Variants in KIAA1671 observed in about 807,000 individuals in gnomAD.
KIAA1671 encodes the protein uncharacterized protein KIAA1671.
Under a neutral mutation model 131.2 loss-of-function variants are expected in KIAA1671, and 52 were observed. The observed-to-expected ratio is 0.40, with a 90% CI of 0.32 to 0.50. The LOEUF is 0.50. Ranked by LOEUF, KIAA1671 falls within the 20% of genes least tolerant of loss-of-function variation. The pLI, the probability that KIAA1671 is intolerant of heterozygous loss-of-function variation, is 0.73. For missense variants in KIAA1671, 2,360 were observed against 2,364.2 expected (o/e 1.00, Z 0.04); for synonymous variants, 1,003 against 961.6 (o/e 1.04, Z -0.80).
chr22:25,029,816 G>A (rs2145789507), intron 3 of KIAA1671, among the ~76,000 whole-genome samples: 1 of 152,350 alleles, frequency 6.6e-6, no homozygotes, highest in South Asian at 2.1e-4. Context: ...TGGGCGGTAT[G>A]TGCCCATTTC....
chr22:25,129,476 C>T (rs941177831), intron 6 of KIAA1671, among the ~76,000 whole-genome samples: 5 of 150,594 alleles, frequency 3.3e-5, no homozygotes, highest in Non-Finnish European at 7.4e-5. Flanking sequence ...CATTGCACAC[C>T]AGCCTGGGCA....
intron 1 of KIAA1671, among the ~76,000 whole-genome samples, chr22:24,972,459 C>T (rs2142841): frequency 0.21 from 31,755 of 151,960 alleles, 4,117 homozygotes; most frequent in African/African-American, 0.36. Context: ...CATGCATGCA[C>T]GCATGCATGC....
intron 6 of KIAA1671, among the ~76,000 whole-genome samples, chr22:25,144,873 T>C (rs987642952): frequency 1.3e-5 from 2 of 151,560 alleles, no homozygotes; most frequent in South Asian, 4.2e-4. Flanking sequence ...CCATACCTTT[T>C]CAGGGCTCTG....
At chr22:25,105,493 A>G (rs1930950932) in intron 6 of KIAA1671, among the ~76,000 whole-genome samples, 1 of 152,228 alleles carries the variant, frequency 6.6e-6, no homozygotes. Context: ...TTTGATGCCC[A>G]AAACATCCCA....
intron 6 of KIAA1671, among the ~76,000 whole-genome samples, chr22:25,099,319 A>C (rs950360798): frequency 4.6e-5 from 7 of 152,102 alleles, no homozygotes; most frequent in African/African-American, 1.7e-4. Context: ...CCAGGATCAC[A>C]TAGCAAGGAG....
chr22:25,177,552 A>G (rs992920354), intron 9 of KIAA1671, 30 bp downstream of exon 9: 1 of 1,528,912 alleles, frequency 6.5e-7, no homozygotes, highest in African/African-American at 1.4e-5. Context: ...CTCCTCAGAT[A>G]GCACATTGAA....
At chr22:24,976,276 G>A (rs1922908166) in intron 1 of KIAA1671, among the ~76,000 whole-genome samples, 1 of 152,254 alleles carries the variant, frequency 6.6e-6, no homozygotes, top group African/African-American at 2.4e-5. Flanking sequence ...CTGTCTGGAT[G>A]TTCCTGCCTT....
chr22:25,023,341 T>C (rs1925774010), intron 1 of KIAA1671: 2 of 152,234 alleles, frequency 1.3e-5, no homozygotes, highest in Non-Finnish European at 2.9e-5. Flanking sequence ...GACTCCAGCC[T>C]GGGCTACAAA....
chr22:24,966,949 C>G (rs1189971017), intron 1 of KIAA1671, among the ~76,000 whole-genome samples: 1 of 152,188 alleles, frequency 6.6e-6, no homozygotes, highest in East Asian at 1.9e-4. Flanking sequence ...GAGCAAGAGC[C>G]TGTCACAAAT....
intron 7 of KIAA1671, among the ~76,000 whole-genome samples, chr22:25,172,615 G>T (rs1311626906): frequency 2.6e-5 from 4 of 152,172 alleles, no homozygotes. Flanking sequence ...CAAGGCGAGG[G>T]TTTCCCATGA....
intron 6 of KIAA1671, among the ~76,000 whole-genome samples, chr22:25,093,731 ACACACACT>A (rs1215277853): frequency 1.0e-3 from 44 of 43,558 alleles, no homozygotes; most frequent in East Asian, 9.9e-3. Flanking sequence ...ACACACACAC[ACACACACT>A]CTCTCTCTCT....
At chr22:25,006,417 T>C (rs1381649873) in intron 1 of KIAA1671, among the ~76,000 whole-genome samples, 1 of 152,208 alleles carries the variant, frequency 6.6e-6, no homozygotes, top group Non-Finnish European at 1.5e-5. Flanking sequence ...CAGGATTTGA[T>C]GCTGTGAAAT....
intron 6 of KIAA1671, among the ~76,000 whole-genome samples, chr22:25,166,125 G>A (rs929473289): frequency 9.9e-5 from 15 of 152,212 alleles, no homozygotes; most frequent in African/African-American, 3.1e-4. Context: ...AGCTGCCGCC[G>A]TGGGTGAACA....
intron 1 of KIAA1671, among the ~76,000 whole-genome samples, chr22:24,962,815 C>T (rs1190994885): frequency 2.0e-5 from 3 of 152,110 alleles, no homozygotes; most frequent in African/African-American, 7.2e-5. Flanking sequence ...TGAGCCGGTG[C>T]GCTTTCCCCC....
chr22:25,045,549 C>T (rs1927175282), intron 5 of KIAA1671, among the ~76,000 whole-genome samples: 1 of 152,186 alleles, frequency 6.6e-6, no homozygotes, highest in Non-Finnish European at 1.5e-5. Context: ...AATACATAAG[C>T]TTTCTATGGA....
At chr22:25,181,592 G>C in intron 9 of KIAA1671, 107 bp from the exon 10 acceptor site, 15 of 1,371,374 alleles carry the variant, frequency 1.1e-5, no homozygotes, top group Non-Finnish European at 1.5e-5. Flanking sequence ...CTTCTGTGCA[G>C]GTCTGATGTG....
intron 11 of KIAA1671, among the ~76,000 whole-genome samples, chr22:25,189,135 T>C (rs929329114): frequency 2.0e-5 from 3 of 149,898 alleles, no homozygotes; most frequent in Non-Finnish European, 4.4e-5. Context: ...TCTTTTTTTT[T>C]TTTTTTTTTT....
chr22:25,111,263 G>A (rs1470450701), intron 6 of KIAA1671, among the ~76,000 whole-genome samples: 1 of 152,244 alleles, frequency 6.6e-6, no homozygotes, highest in Non-Finnish European at 1.5e-5. Context: ...GCACACACGT[G>A]CAGCCGCATT....
chr22:25,189,477 C>T (rs1264490186), intron 11 of KIAA1671, among the ~76,000 whole-genome samples: 1 of 152,178 alleles, frequency 6.6e-6, no homozygotes, highest in Non-Finnish European at 1.5e-5. Flanking sequence ...CTGGCGAGGC[C>T]AGTCTTTTTC....
Sources: gnomAD v4.1 joint callset for allele counts (sites outside exome capture counted in the v4.1 genomes callset) on GRCh38, gnomAD v4.1.1 for gene constraint, MANE v1.5 for transcripts, NCBI Gene and HGNC (gene_info 2026-07-23, HGNC 2026-07-21) for gene names.